The following LRRC37A variants were observed in gnomAD, a reference collection of about 807,000 sequenced individuals.
LRRC37A encodes leucine rich repeat containing 37A, also known as leucine-rich repeat-containing protein 37A.
A neutral mutation model predicts 35.4 loss-of-function variants in LRRC37A; 3 were observed. That is an observed-to-expected ratio of 0.08 (90% CI 0.04 to 0.22). The LOEUF is 0.22. Among genes scored for constraint, LRRC37A ranks in the 10% least tolerant of loss-of-function variants. The pLI, the probability that LRRC37A is intolerant of heterozygous loss-of-function variation, is 1.00. For missense variants in LRRC37A, 67 were observed against 565.3 expected (o/e 0.12, Z 8.94); for synonymous variants, 23 against 215.0 (o/e 0.11, Z 7.81).
rs1175674683 is a variant in LRRC37A, at chr17:46,323,801, C to T, written c.3053+774C>T. ...GCAGGTTCCTCATCCATAGATTCAA[C>T]GAACCATGGATGGAGAATATTTGGA... is the stretch of plus-strand genomic sequence containing the variant. On this transcript the variant is annotated intron_variant, in intron 7 of 13. Coordinates refer to ENST00000320254, the Ensembl canonical transcript of LRRC37A. Among the ~76,000 whole-genome samples the T allele has an allele frequency of 4.0e-5, 4 of 101,264 alleles. 1 individual carries two copies. Among genetic ancestry groups the T allele is most frequent in the African/African-American group, 6.4e-5 (2 of 31,062 alleles). 66.4% of individuals were successfully genotyped at this position (101,264 alleles called of 152,430 possible). A position where few individuals can be genotyped will look rare whatever the true frequency, so the allele number is the denominator to read the frequency against.
the LRRC37A span, chr17:46,260,621 T>C: frequency 5.6e-6 from 2 of 355,250 alleles, no homozygotes; most frequent in South Asian, 2.9e-5. Context: ...CTCTATTCTC[T>C]TTTTTTTTTT....
chr17:46,275,694 C>T, the LRRC37A span, among the ~76,000 whole-genome samples: 1 of 152,084 alleles, frequency 6.6e-6, no homozygotes, highest in Non-Finnish European at 1.5e-5. Flanking sequence ...TTTCAGGCAA[C>T]TGGACAAATA....
the LRRC37A span, among the ~76,000 whole-genome samples, chr17:46,254,958 C>A: frequency 2.0e-4 from 30 of 151,910 alleles, no homozygotes; most frequent in Non-Finnish European, 3.8e-4. Context: ...GCCTTAGCCT[C>A]CCAAGTAGCT....
chr17:46,253,998 G>A, the LRRC37A span, among the ~76,000 whole-genome samples: 2 of 152,188 alleles, frequency 1.3e-5, no homozygotes, highest in Non-Finnish European at 2.9e-5. Flanking sequence ...TCTTAGAGGC[G>A]GCCAGCAGAG....
At chr17:46,277,303 C>T in the LRRC37A span, among the ~76,000 whole-genome samples, 1 of 152,204 alleles carries the variant, frequency 6.6e-6, no homozygotes, top group African/African-American at 2.4e-5. Context: ...CTTTGTCTTG[C>T]CACAGGCCCC....
chr17:46,255,043 C>G, the LRRC37A span, among the ~76,000 whole-genome samples: 36 of 152,250 alleles, frequency 2.4e-4, no homozygotes, highest in South Asian at 7.5e-3. Context: ...ACCATGTTGG[C>G]CAGGCTGGTC....
chr17:46,263,139 G>A, the LRRC37A span, among the ~76,000 whole-genome samples: 21 of 152,272 alleles, frequency 1.4e-4, no homozygotes, highest in African/African-American at 4.8e-4. Flanking sequence ...CCTGAGTCCC[G>A]CGAGGTCAAG....
chr17:46,265,249 CTT>C, the LRRC37A span, among the ~76,000 whole-genome samples: 10 of 1,034 alleles, frequency 9.7e-3, no homozygotes, highest in Non-Finnish European at 0.021. Context: ...AATTTCCTTT[CTT>C]CTTCTTCTTC....
chr17:46,256,096 G>T, the LRRC37A span, among the ~76,000 whole-genome samples: 1 of 152,150 alleles, frequency 6.6e-6, no homozygotes, highest in Non-Finnish European at 1.5e-5. Flanking sequence ...TAAAAGAAAA[G>T]ACCAGGTGGT....
chr17:46,249,323 G>A, the LRRC37A span, among the ~76,000 whole-genome samples: 1 of 152,212 alleles, frequency 6.6e-6, no homozygotes, highest in Non-Finnish European at 1.5e-5. Flanking sequence ...GAAGCTGGGA[G>A]GTGGAGGTTG....
At chr17:46,264,816 G>C in the LRRC37A span, among the ~76,000 whole-genome samples, 1 of 152,200 alleles carries the variant, frequency 6.6e-6, no homozygotes, top group Non-Finnish European at 1.5e-5. Context: ...TCAGGGTGTG[G>C]GTTTCAGGGC....
At chr17:46,270,330 TA>T in the LRRC37A span, among the ~76,000 whole-genome samples, 2 of 152,362 alleles carry the variant, frequency 1.3e-5, no homozygotes, top group South Asian at 4.1e-4. Context: ...CAATACCTGA[TA>T]CTATTATTTG....
the LRRC37A span, among the ~76,000 whole-genome samples, chr17:46,282,816 T>G: frequency 2.6e-5 from 4 of 152,212 alleles, no homozygotes; most frequent in African/African-American, 9.6e-5. Flanking sequence ...TGGCTTTTCC[T>G]CAAAGGAAGA....
chr17:46,268,698 A>G, the LRRC37A span: 2 of 1,470,740 alleles, frequency 1.4e-6, no homozygotes, highest in East Asian at 2.7e-5. Context: ...CATTTGAAAC[A>G]ACCATCCTGG....
rs1359397669 is a variant in LRRC37A, at chr17:46,317,211, T to C, written c.2907-5111T>C. Among the ~76,000 whole-genome samples the C allele has an allele frequency of 2.4e-5, 2 of 82,020 alleles. 1 individual carries two copies. The highest frequency in any genetic ancestry group is 6.3e-5 in the African/African-American group (2 of 31,990). The allele number at this position is 82,020 out of a possible 152,430, so 53.8% of individuals were successfully genotyped here. On this transcript the variant is annotated intron_variant, in intron 5 of 13. Coordinates refer to ENST00000320254, the Ensembl canonical transcript of LRRC37A. ...TGCCCAGTTAGTTTTAAATTTTTTG[T>C]AGAGACAGGGTTTTACTCTATTGCC...
chr17:46,268,670 T>G, the LRRC37A span: 1 of 1,523,736 alleles, frequency 6.6e-7, no homozygotes. Flanking sequence ...AAATTCAAGG[T>G]GCAATTCATA....
chr17:46,258,488 C>T, the LRRC37A span, among the ~76,000 whole-genome samples: 6 of 152,266 alleles, frequency 3.9e-5, no homozygotes, highest in South Asian at 6.2e-4. Flanking sequence ...GGATTACAGG[C>T]GTGAGCCACC....
the LRRC37A span, among the ~76,000 whole-genome samples, chr17:46,248,665 A>G: frequency 6.6e-6 from 1 of 151,942 alleles, no homozygotes; most frequent in African/African-American, 2.4e-5. Context: ...GATTACAGGC[A>G]CATGCCACCA....
At chr17:46,291,978 A>AC, upstream of LRRC37A, among the ~76,000 whole-genome samples, 1 of 122,174 alleles carries the variant, frequency 8.2e-6, no homozygotes, top group Non-Finnish European at 1.8e-5. Context: ...GCAAAAAAAA[A>AC]AAAAAAAAAG....
Sources: allele counts gnomAD v4.1 joint callset (sites outside exome capture counted in the v4.1 genomes callset), GRCh38; gene constraint gnomAD v4.1.1; transcripts MANE v1.5; gene names NCBI Gene and HGNC (gene_info 2026-07-23, HGNC 2026-07-21).